The following SUGP1 variants were observed in gnomAD, a reference collection of about 807,000 sequenced individuals.
The protein encoded by SUGP1 is SURP and G-patch domain containing 1.
Under a neutral mutation model 76.5 loss-of-function variants are expected in SUGP1, and 34 were observed. The ratio of observed to expected loss-of-function variants is 0.44; its 90% CI spans 0.34 to 0.59. SUGP1 has a LOEUF of 0.59. Ranked by LOEUF, SUGP1 falls within the 20% of genes least tolerant of loss-of-function variation. The pLI is 0.01. For missense variants in SUGP1, 752 were observed against 851.7 expected, an observed-to-expected ratio of 0.88 and a Z score of 1.46; for synonymous variants, 326 against 326.2, an observed-to-expected ratio of 1.00 and a Z score of 0.01.
chr19:19,281,574 C>T (rs1003476999), intron 8 of SUGP1: 2 of 152,094 alleles, frequency 1.3e-5, no homozygotes, highest in African/African-American at 4.8e-5. Flanking sequence ...AGGCTGGCCA[C>T]CCGACCTGGG....
At chr19:19,286,489 T>C (rs2061141143) in intron 8 of SUGP1, among the ~76,000 whole-genome samples, 1 of 152,192 alleles carries the variant, frequency 6.6e-6, no homozygotes, top group African/African-American at 2.4e-5. Flanking sequence ...TTCATGGGAT[T>C]TATAACAGAG....
rs146562227 is a variant in SUGP1, at chr19:19,305,817, G to C, written c.538+32C>G. On this transcript the variant is annotated intron_variant, in intron 4 of 13. Transcript: ENST00000247001. ...CCCACCTGCTAGAGCACGGGCACTG[G>C]TGGTGGGGGAGCAGCAGCTCCCACA... 6.4e-3 allele frequency: 10,127 copies of C among 1,570,608 alleles called. 578 individuals are homozygous for C. The African/African-American group carries it at 0.12, about 19-fold the overall frequency.
At chr19:19,298,390 C>T (rs530263602) in intron 7 of SUGP1, among the ~76,000 whole-genome samples, 3 of 152,160 alleles carry the variant, frequency 2.0e-5, no homozygotes, top group Non-Finnish European at 2.9e-5. Flanking sequence ...CCCAACTGCT[C>T]GGGAGGCTGA....
At chr19:19,302,941 G>T (rs1330547215) in intron 6 of SUGP1, among the ~76,000 whole-genome samples, 1 of 152,124 alleles carries the variant, frequency 6.6e-6, no homozygotes, top group Admixed American at 6.6e-5. Context: ...CTGTCCCCCA[G>T]GCCCTCGGCC....
rs2301785 is a variant in SUGP1 at position 19,297,355 on chromosome 19, G to A, written c.888-11C>T. The A allele has an allele frequency of 0.055, 83,242 of 1,506,956 alleles. 2,710 individuals carry two copies. Among genetic ancestry groups the A allele is most frequent in the Admixed American group, 0.11 (4,994 of 44,704 alleles). The allele number at this position is 1,506,956 out of a possible 1,614,324, so 93.3% of individuals were successfully genotyped here. A position where few individuals can be genotyped will look rare whatever the true frequency, so the allele number is the denominator to read the frequency against. On this transcript the variant is annotated splice_polypyrimidine_tract_variant and intron_variant, in intron 7 of 13. Transcript: ENST00000247001. The stretch of plus-strand genomic sequence containing the variant: ...GGCTCATACAGAAAGCTGCAAAGGA[G>A]AGTTGGGGGGTGCAGTGTCAGCTGG...
chr19:19,283,210 A>T (rs1490380893), intron 8 of SUGP1, among the ~76,000 whole-genome samples: 1 of 152,228 alleles, frequency 6.6e-6, no homozygotes, highest in African/African-American at 2.4e-5. Context: ...ATGCACACAG[A>T]CTGTACATAA....
At chr19:19,302,188 A>G in intron 7 of SUGP1, 77 bp downstream of exon 7, 1 of 1,586,884 alleles carries the variant, frequency 6.3e-7, no homozygotes, top group Non-Finnish European at 8.6e-7. Context: ...TGGCTGGACT[A>G]TGCTGATCCA....
chr19:19,317,002 G>A (rs1393412429), intron 1 of SUGP1, among the ~76,000 whole-genome samples: 1 of 152,074 alleles, frequency 6.6e-6, no homozygotes, highest in East Asian at 1.9e-4. Flanking sequence ...GCTGGGTATG[G>A]TGGCATGTGC....
rs80355252 is a variant in SUGP1 at position 19,306,330 on chromosome 19, G to A, written c.311-254C>T. Among the ~76,000 whole-genome samples, 30 of 152,308 alleles carry A rather than the reference G, an allele frequency of 2.0e-4. No homozygotes were observed. In the East Asian group the frequency reaches 3.1e-3, roughly 16 times the overall value. The stretch of plus-strand genomic sequence containing the variant: ...GGGCCGCTGTGGCTGGAGGCATCTC[G>A]GTCGCGCTGCACCCACAGACTGGGG... On this transcript the variant is annotated intron_variant, in intron 3 of 13. Transcript: ENST00000247001.
chr19:19,293,359 G>A (rs1050420864), intron 8 of SUGP1, among the ~76,000 whole-genome samples: 11 of 151,100 alleles, frequency 7.3e-5, no homozygotes, highest in East Asian at 2.0e-4. Flanking sequence ...CAAGGCAGGC[G>A]GATCACCCGA....
chr19:19,320,296 G>A (rs953935059), intron 1 of SUGP1, among the ~76,000 whole-genome samples, 167 bp downstream of exon 1: 1 of 152,182 alleles, frequency 6.6e-6, no homozygotes, highest in Non-Finnish European at 1.5e-5. Context: ...CAGCAACCTG[G>A]GTCTGGGGTC....
At chr19:19,297,421 G>A (rs2061236522) in intron 7 of SUGP1, 77 bp from the exon 8 acceptor site, 8 of 1,260,818 alleles carry the variant, frequency 6.3e-6, no homozygotes, top group Middle Eastern at 2.0e-4. Context: ...GAGCAGTTCT[G>A]GCCTTGTGTG....
intron 8 of SUGP1, among the ~76,000 whole-genome samples, chr19:19,286,151 T>C (rs1368028144): frequency 1.3e-5 from 2 of 152,234 alleles, no homozygotes; most frequent in Admixed American, 1.3e-4. Flanking sequence ...AATCAGGAAG[T>C]ACCTTGCTAG....
At chr19:19,305,343 G>A (rs1347429232) in intron 4 of SUGP1, among the ~76,000 whole-genome samples, 1 of 152,202 alleles carries the variant, frequency 6.6e-6, no homozygotes, top group Admixed American at 6.5e-5. Context: ...ACACTGGGCG[G>A]TCTGGACAAG....
chr19:19,297,242 A>G lies in SUGP1; in HGVS notation c.990T>C (p.Pro330=). The change falls in exon 8 of 14, where the codon CCT becomes CCC. Residue 330 remains proline, a synonymous_variant. Coordinates refer to ENST00000247001, the MANE Select transcript of SUGP1 (RefSeq NM_172231.4). Reference sequence around the variant, plus strand: ...GGGACTTGCGCTTCAGGCCGGGATCAGGTGCTGTGAAGCTGCCTGTGGAGC... The same window carrying G: ...GGGACTTGCGCTTCAGGCCGGGATCGGGTGCTGTGAAGCTGCCTGTGGAGC... ...KASSTGSFTA[P]DPGLKRKSPP... The G allele has an allele frequency of 6.3e-7, 1 of 1,589,664 alleles. No homozygotes were observed. The highest frequency in any genetic ancestry group is 8.6e-7 in the Non-Finnish European group (1 of 1,163,152).
At chr19:19,290,932 C>T (rs556638614) in intron 8 of SUGP1, among the ~76,000 whole-genome samples, 1 of 152,192 alleles carries the variant, frequency 6.6e-6, no homozygotes, top group South Asian at 2.1e-4. Flanking sequence ...GCCTGGCCAA[C>T]ATGGTGAAAC....
chr19:19,283,424 C>T (rs2061115149), intron 8 of SUGP1, among the ~76,000 whole-genome samples: 2 of 149,072 alleles, frequency 1.3e-5, no homozygotes, highest in Non-Finnish European at 3.0e-5. Context: ...CAGGCACCTG[C>T]CACCATGCCC....
chr19:19,313,955 A>G (rs968321386), intron 2 of SUGP1, among the ~76,000 whole-genome samples: 1 of 152,068 alleles, frequency 6.6e-6, no homozygotes, highest in Non-Finnish European at 1.5e-5. Context: ...CCTGGCCAAC[A>G]TGATGAAACC....
At chr19:19,318,730 A>T (rs1333006514) in intron 1 of SUGP1, among the ~76,000 whole-genome samples, 1 of 152,158 alleles carries the variant, frequency 6.6e-6, no homozygotes, top group African/African-American at 2.4e-5. Context: ...ACACCTAGCC[A>T]ATATCCACAG....
Sources: allele counts gnomAD v4.1 joint callset (sites outside exome capture counted in the v4.1 genomes callset), GRCh38; gene constraint gnomAD v4.1.1; transcripts MANE v1.5; gene names NCBI Gene and HGNC (gene_info 2026-07-23, HGNC 2026-07-21).